Variants in SAMMSON observed in about 807,000 individuals in gnomAD.
SAMMSON encodes survival associated mitochondrial melanoma specific oncogenic non-coding RNA.
intron 4 of SAMMSON, among the ~76,000 whole-genome samples, chr3:70,121,651 A>C (rs2067433550): frequency 6.6e-6 from 1 of 152,124 alleles, no homozygotes; most frequent in Non-Finnish European, 1.5e-5. Flanking sequence ...TGAAAGTCTT[A>C]AGCCGGCCCA....
At chr3:70,403,425 A>G (rs1373574091) in intron 2 of SAMMSON, among the ~76,000 whole-genome samples, 1 of 152,236 alleles carries the variant, frequency 6.6e-6, no homozygotes, top group African/African-American at 2.4e-5. Context: ...TGAGAGTCTT[A>G]GTGGTTCAAA....
chr3:70,264,309 A>G (rs1449971566), intron 6 of SAMMSON, among the ~76,000 whole-genome samples: 1 of 152,196 alleles, frequency 6.6e-6, no homozygotes, highest in Non-Finnish European at 1.5e-5. Flanking sequence ...ATTTGCCACA[A>G]TGCAGGCCTT....
At position 70,307,830 on chromosome 3, in the gene SAMMSON, C is replaced by T. The variant is rs185085178; in HGVS notation, n.739+16587C>T. ...ACTTAACCTACAGTCAGCACTCAAT[C>T]GGTTTTCTCACTTCATTTTGCATTA... On this transcript the variant is annotated intron_variant and non_coding_transcript_variant, in intron 7 of 9. Coordinates refer to ENST00000642114, the Ensembl canonical transcript of SAMMSON. 9.1e-4 allele frequency among the ~76,000 whole-genome samples: 139 copies of T among 152,246 alleles called. 1 individual carries two copies. In the South Asian group the frequency reaches 0.019, roughly 20 times the overall value.
At chr3:70,091,813 A>C (rs1449040526) in intron 4 of SAMMSON, among the ~76,000 whole-genome samples, 1 of 152,178 alleles carries the variant, frequency 6.6e-6, no homozygotes, top group East Asian at 1.9e-4. Flanking sequence ...GTCAAGAGGT[A>C]TGCACTCAAA....
intron 4 of SAMMSON, among the ~76,000 whole-genome samples, chr3:70,123,800 G>A (rs1252794743): frequency 6.6e-6 from 1 of 152,212 alleles, no homozygotes; most frequent in Admixed American, 6.5e-5. Flanking sequence ...ATGTGTTGGG[G>A]GCAGGGAGAG....
chr3:70,424,430 T>C (rs529539868), intron 2 of SAMMSON, among the ~76,000 whole-genome samples: 2 of 152,156 alleles, frequency 1.3e-5, no homozygotes, highest in South Asian at 4.1e-4. Context: ...TTTTTACACA[T>C]TTTTTCAAAT....
intron 3 of SAMMSON, among the ~76,000 whole-genome samples, chr3:70,055,076 T>C (rs890510286): frequency 2.6e-5 from 4 of 152,126 alleles, no homozygotes; most frequent in African/African-American, 9.7e-5. Context: ...AATGTCCTTA[T>C]ATTTTAGAAA....
At chr3:70,302,908 G>T (rs563195960) in intron 7 of SAMMSON, among the ~76,000 whole-genome samples, 159 of 152,252 alleles carry the variant, frequency 1.0e-3, no homozygotes, top group South Asian at 4.8e-3. Context: ...TAGTTGGAAA[G>T]AAATTTTAAC....
intron 4 of SAMMSON, among the ~76,000 whole-genome samples, chr3:70,157,112 T>C (rs1234411175): frequency 6.6e-6 from 1 of 152,128 alleles, no homozygotes; most frequent in African/African-American, 2.4e-5. Flanking sequence ...TTAACAAATA[T>C]ACTTTACAAA....
intron 2 of SAMMSON, among the ~76,000 whole-genome samples, chr3:70,409,593 C>T (rs1386001081): frequency 1.3e-5 from 2 of 152,110 alleles, no homozygotes; most frequent in African/African-American, 4.8e-5. Flanking sequence ...GTCATTTAAC[C>T]TCTCCCATGC....
chr3:70,180,084 T>C (rs140990694), intron 4 of SAMMSON, among the ~76,000 whole-genome samples: 4 of 152,042 alleles, frequency 2.6e-5, no homozygotes, highest in African/African-American at 9.6e-5. Context: ...TTGTTTTCAG[T>C]TTTGAGTGAT....
At chr3:70,215,935 A>C (rs1209831250) in intron 4 of SAMMSON, among the ~76,000 whole-genome samples, 1 of 152,086 alleles carries the variant, frequency 6.6e-6, no homozygotes, top group Non-Finnish European at 1.5e-5. Flanking sequence ...AAAGTCTATA[A>C]ATTTCTGTCT....
intron 7 of SAMMSON, among the ~76,000 whole-genome samples, chr3:70,337,969 G>T (rs1368584852): frequency 6.6e-6 from 1 of 151,506 alleles, no homozygotes; most frequent in Non-Finnish European, 1.5e-5. Context: ...TCTCATTAAA[G>T]AATTAAACCC....
chr3:70,347,878 A>C (rs1177231035), intron 7 of SAMMSON, among the ~76,000 whole-genome samples: 1 of 152,154 alleles, frequency 6.6e-6, no homozygotes, highest in East Asian at 1.9e-4. Flanking sequence ...CCCCATCTCT[A>C]CCCAAAATAC....
chr3:70,291,922 T>C (rs1324265295), intron 7 of SAMMSON: 2 of 152,246 alleles, frequency 1.3e-5, no homozygotes, highest in Non-Finnish European at 2.9e-5. Flanking sequence ...CTTACTTAAA[T>C]TGTAACCAAC....
chr3:70,076,081 A>T (rs893004147), intron 4 of SAMMSON, among the ~76,000 whole-genome samples: 1 of 152,028 alleles, frequency 6.6e-6, no homozygotes, highest in Non-Finnish European at 1.5e-5. Flanking sequence ...TGCTTCCTTT[A>T]AGTCAGAAGA....
At position 70,031,682 on chromosome 3, in the gene SAMMSON, GAA is replaced by G. The variant is rs61145346; in HGVS notation, n.417+18018_417+18019del. 4.0e-5 allele frequency among the ~76,000 whole-genome samples: 6 copies of G among 151,368 alleles called. No individual in the cohort carries two copies. In the South Asian group the frequency reaches 6.2e-4, roughly 16 times the overall value. On this transcript the variant is annotated intron_variant and non_coding_transcript_variant, in intron 3 of 9. Transcript: ENST00000642114. The stretch of plus-strand genomic sequence containing the variant: ...TAACAGATGGCAAACATTTTTGCAG[GAA>G]AAAAAAATCCTTATTTTAGGTGTAT...
At chr3:70,346,367 G>C in intron 7 of SAMMSON, among the ~76,000 whole-genome samples, 1 of 149,642 alleles carries the variant, frequency 6.7e-6, no homozygotes, top group Non-Finnish European at 1.5e-5. Context: ...CCCAACCCAG[G>C]GTCACACAGA....
intron 6 of SAMMSON, among the ~76,000 whole-genome samples, chr3:70,268,418 T>G (rs1318360464): frequency 7.2e-6 from 1 of 138,284 alleles, no homozygotes; most frequent in Non-Finnish European, 1.5e-5. Flanking sequence ...GAGGTGGCAG[T>G]GAGCAGAGAT....
Sources: allele counts gnomAD v4.1 joint callset (sites outside exome capture counted in the v4.1 genomes callset), GRCh38; gene constraint gnomAD v4.1.1; transcripts MANE v1.5; gene names NCBI Gene and HGNC (gene_info 2026-07-23, HGNC 2026-07-21).